Variants in STAU2 observed in about 807,000 individuals in gnomAD.
The protein encoded by STAU2 is staufen double-stranded RNA binding protein 2.
In STAU2, 20 loss-of-function variants were observed where a neutral mutation model predicts 65.9. The ratio of observed to expected loss-of-function variants is 0.30; its 90% CI spans 0.21 to 0.44. The LOEUF (loss-of-function observed/expected upper bound fraction) is 0.44, where lower values mean the gene tolerates loss of function less well. STAU2 is among the 20% of genes least tolerant of loss of function. The pLI is 1.00. For missense variants in STAU2, 558 were observed against 683.9 expected (o/e 0.82, Z 2.05); for synonymous variants, 232 against 233.9 (o/e 0.99, Z 0.07).
At chr8:73,550,142 A>C (rs996384632) in intron 13 of STAU2, 3 of 985,268 alleles carry the variant, frequency 3.0e-6, no homozygotes, top group Admixed American at 6.1e-5. Context: ...TCAACCAAAG[A>C]AGCACAGTAA....
At chr8:73,651,912 A>G (rs1283598068) in intron 6 of STAU2, among the ~76,000 whole-genome samples, 1 of 152,230 alleles carries the variant, frequency 6.6e-6, no homozygotes, top group Non-Finnish European at 1.5e-5. Flanking sequence ...TGACCCACGC[A>G]AAGGTTCTGG....
At chr8:73,599,765 C>T (rs1458398344) in intron 10 of STAU2, among the ~76,000 whole-genome samples, 1 of 151,842 alleles carries the variant, frequency 6.6e-6, no homozygotes, top group African/African-American at 2.4e-5. Context: ...TTATTTCCAA[C>T]AGTACTTTTT....
intron 5 of STAU2, among the ~76,000 whole-genome samples, 162 bp downstream of exon 5, chr8:73,688,492 G>A (rs1405548930): frequency 1.3e-3 from 12 of 8,952 alleles, no homozygotes. Context: ...ATGCTACCGT[G>A]TGTGTGTGTG....
At chr8:73,736,458 A>C (rs1212712165) in intron 3 of STAU2, among the ~76,000 whole-genome samples, 1 of 152,224 alleles carries the variant, frequency 6.6e-6, no homozygotes, top group African/African-American at 2.4e-5. Context: ...ATATTTGACT[A>C]TAACTACAAA....
intron 9 of STAU2, among the ~76,000 whole-genome samples, chr8:73,611,127 T>A (rs986033408): frequency 2.0e-5 from 3 of 152,208 alleles, no homozygotes; most frequent in Non-Finnish European, 4.4e-5. Context: ...CCTCAATGTA[T>A]AAGCCATACA....
intron 13 of STAU2, among the ~76,000 whole-genome samples, chr8:73,516,898 C>T (rs754857907): frequency 3.9e-4 from 60 of 152,138 alleles, no homozygotes; most frequent in Non-Finnish European, 6.9e-4. Context: ...ATAACTTTCA[C>T]ATCTATTTAG....
chr8:73,741,659 C>T (rs1192646157), intron 1 of STAU2, among the ~76,000 whole-genome samples: 1 of 152,004 alleles, frequency 6.6e-6, no homozygotes, highest in Non-Finnish European at 1.5e-5. Context: ...GATACAGGTA[C>T]ACACCACCAT....
At chr8:73,542,805 C>T (rs933572193) in intron 13 of STAU2, among the ~76,000 whole-genome samples, 9 of 152,192 alleles carry the variant, frequency 5.9e-5, no homozygotes, top group African/African-American at 1.7e-4. Context: ...ACCATATTAA[C>T]GTGTACAACC....
At chr8:73,432,293 G>A (rs1001187783) in intron 13 of STAU2, among the ~76,000 whole-genome samples, 1 of 152,132 alleles carries the variant, frequency 6.6e-6, no homozygotes, top group South Asian at 2.1e-4. Context: ...AATTAAATCC[G>A]TCTCCTTTCA....
chr8:73,484,980 C>G (rs922610799), intron 13 of STAU2, among the ~76,000 whole-genome samples: 1 of 151,990 alleles, frequency 6.6e-6, no homozygotes, highest in African/African-American at 2.4e-5. Flanking sequence ...GATCCTTCTT[C>G]CAAGACCAAA....
At chr8:73,630,102 A>AT (rs1179032801) in intron 6 of STAU2, among the ~76,000 whole-genome samples, 1 of 152,210 alleles carries the variant, frequency 6.6e-6, no homozygotes, top group Non-Finnish European at 1.5e-5. Context: ...AGTACCTTGG[A>AT]TTAACGTTAA....
At chr8:73,654,372 C>G (rs955012899) in intron 6 of STAU2, among the ~76,000 whole-genome samples, 1 of 151,928 alleles carries the variant, frequency 6.6e-6, no homozygotes, top group African/African-American at 2.4e-5. Flanking sequence ...TTTTAACTGT[C>G]CAGGCACACT....
chr8:73,570,542 G>C (rs1808990161), intron 12 of STAU2, among the ~76,000 whole-genome samples: 1 of 152,210 alleles, frequency 6.6e-6, no homozygotes, highest in South Asian at 2.1e-4. Context: ...TATTATCCCA[G>C]AGAACTTCCC....
chr8:73,597,909 T>G (rs1274823420), intron 10 of STAU2, among the ~76,000 whole-genome samples: 1 of 152,202 alleles, frequency 6.6e-6, no homozygotes, highest in Non-Finnish European at 1.5e-5. Flanking sequence ...GGAAGAATTA[T>G]GCTATTCTTT....
intron 13 of STAU2, among the ~76,000 whole-genome samples, chr8:73,432,008 C>A (rs1168628574): frequency 1.3e-5 from 2 of 152,216 alleles, no homozygotes; most frequent in Non-Finnish European, 1.5e-5. Flanking sequence ...AGTCTTTGAG[C>A]ATTGATGTCC....
At chr8:73,726,116 T>C (rs187968631) in intron 3 of STAU2, among the ~76,000 whole-genome samples, 33 of 152,290 alleles carry the variant, frequency 2.2e-4, no homozygotes, top group African/African-American at 7.5e-4. Context: ...TCATTATTTC[T>C]TAATGTCATT....
At chr8:73,474,312 T>C (rs1239134752) in intron 13 of STAU2, among the ~76,000 whole-genome samples, 2 of 152,156 alleles carry the variant, frequency 1.3e-5, no homozygotes, top group Admixed American at 1.3e-4. Context: ...AAAAGGGATA[T>C]TTCACCTTAT....
At chr8:73,556,226 CTAATT>C (rs1472338377) in intron 12 of STAU2, among the ~76,000 whole-genome samples, 1 of 151,660 alleles carries the variant, frequency 6.6e-6, no homozygotes, top group East Asian at 1.9e-4. Context: ...TATCAGACAT[CTAATT>C]TATCTCCAGT....
At chr8:73,459,943 G>T (rs1433693636) in intron 13 of STAU2, among the ~76,000 whole-genome samples, 4 of 152,180 alleles carry the variant, frequency 2.6e-5, no homozygotes, top group Admixed American at 1.3e-4. Context: ...CCCCAGCCGT[G>T]AATACACAAT....
Sources: allele counts gnomAD v4.1 joint callset (sites outside exome capture counted in the v4.1 genomes callset), GRCh38; gene constraint gnomAD v4.1.1; transcripts MANE v1.5; gene names NCBI Gene and HGNC (gene_info 2026-07-23, HGNC 2026-07-21).